Variants in NADSYN1 observed in about 807,000 individuals in gnomAD.
The protein encoded by NADSYN1 is NAD synthetase 1.
A neutral mutation model predicts 99.3 loss-of-function variants in NADSYN1; 80 were observed. That is an observed-to-expected ratio of 0.81 (90% confidence interval 0.67 to 0.97). The LOEUF (loss-of-function observed/expected upper bound fraction) is 0.97, where lower values mean the gene tolerates loss of function less well. NADSYN1 is among the 50% of genes least tolerant of loss of function. NADSYN1 has a pLI of 0.00. For missense variants in NADSYN1, 859 were observed against 948.5 expected (o/e 0.91, Z 1.24); for synonymous variants, 385 against 372.1 (o/e 1.03, Z -0.40).
In NADSYN1 at chr11:71,466,580, T is replaced by G. The variant is rs571998651; in HGVS notation, c.407+2438T>G. 3 of 152,364 alleles carry G rather than the reference T, an allele frequency of 2.0e-5. No individual in the cohort carries two copies. In the South Asian group the frequency reaches 6.2e-4, roughly 32 times the overall value. 9.4% of individuals were successfully genotyped at this position (152,364 alleles called of 1,614,324 possible). A position where few individuals can be genotyped will look rare whatever the true frequency, so the allele number is the denominator to read the frequency against. ...CACTCTCTTCTGCAGGCTCCAAGGC[T>G]GTAATTTCACTCTCTCTGCCAGCAG... On this transcript the variant is annotated intron_variant, in intron 5 of 20. Transcript: ENST00000319023.
At chr11:71,484,779 G>A (rs1469355497) in intron 15 of NADSYN1, 7 of 310,822 alleles carry the variant, frequency 2.3e-5, no homozygotes, top group Non-Finnish European at 3.7e-5. Context: ...CTGAGCCTGA[G>A]TGTGAGCCTG....
intron 1 of NADSYN1, among the ~76,000 whole-genome samples, chr11:71,454,216 G>T (rs1043243598): frequency 6.6e-6 from 1 of 152,126 alleles, no homozygotes; most frequent in Non-Finnish European, 1.5e-5. Context: ...TTATTATTAT[G>T]ATTATTATTA....
intron 14 of NADSYN1, 45 bp from the exon 15 acceptor site, chr11:71,484,267 C>T (rs759968829): frequency 2.5e-6 from 4 of 1,599,876 alleles, no homozygotes; most frequent in Admixed American, 1.7e-5. Flanking sequence ...CACACATGCA[C>T]ACACGTGCAC....
At chr11:71,459,679 G>A (rs77971333) in intron 3 of NADSYN1, 6,117 of 152,524 alleles carry the variant, frequency 0.04, 406 homozygotes, top group African/African-American at 0.14. Context: ...CTTCAGCCCC[G>A]CCTCATCCGG....
chr11:71,475,979 G>T, intron 9 of NADSYN1: 1 of 454,826 alleles, frequency 2.2e-6, no homozygotes, highest in Non-Finnish European at 4.4e-6. Context: ...CTCCCAAAGT[G>T]CTGGGATTAC....
At chr11:71,458,059 A>G (rs1343721468) in intron 2 of NADSYN1, among the ~76,000 whole-genome samples, 1 of 152,178 alleles carries the variant, frequency 6.6e-6, no homozygotes, top group African/African-American at 2.4e-5. Flanking sequence ...CTTCTTTGCC[A>G]AAGAATGGAT....
In NADSYN1 at chr11:71,498,396, C is replaced by T; in HGVS notation, c.1938C>T (p.Asn646=). The T allele has an allele frequency of 6.2e-7, 1 of 1,614,248 alleles. No homozygotes were observed. The highest frequency in any genetic ancestry group is 8.5e-7 in the Non-Finnish European group (1 of 1,180,038). ...VKRFFSKYSM[N]RHKMTTLTPA... ...GGTTTTTCTCCAAGTACTCCATGAA[C>T]AGACACAAGATGACCACGCTCACAC... The change falls in exon 20 of 21, where the codon AAC becomes AAT. Residue 646 remains asparagine, a synonymous_variant. Transcript: ENST00000319023.
At chr11:71,472,732 C>T (rs951060286) in intron 6 of NADSYN1, among the ~76,000 whole-genome samples, 16 of 152,356 alleles carry the variant, frequency 1.1e-4, no homozygotes, top group Middle Eastern at 3.4e-3. Context: ...TCCCTTCCCC[C>T]ACTCACACTG....
Position 71,485,600 on chromosome 11 carries a change from G to A in NADSYN1, c.1514G>A (p.Gly505Asp). 6.4e-7 allele frequency: 1 copy of A among 1,562,218 alleles called. No homozygotes were observed. The highest frequency in any genetic ancestry group is 8.7e-7 in the Non-Finnish European group (1 of 1,152,236). The change falls in exon 16 of 21, where the codon GGT (glycine) becomes GAT (aspartate). Residue 505 changes from glycine to aspartate, a missense_variant. By Grantham distance (94) the Gly-to-Asp change is moderately conservative. Transcript: ENST00000319023. ...GCTCAGTTGAGCCTCTGGTCTCGGGGTGTCCACGGTGGGCTCCTCGTGCTG... is the reference window on the plus strand; with the variant it reads ...GCTCAGTTGAGCCTCTGGTCTCGGGATGTCCACGGTGGGCTCCTCGTGCTG... ...LFAQLSLWSR[G>D]VHGGLLVLGS...
chr11:71,478,601 C>A, intron 10 of NADSYN1, 132 bp downstream of exon 10: 1 of 803,016 alleles, frequency 1.2e-6, no homozygotes, highest in Non-Finnish European at 2.1e-6. Context: ...CCGGACTTCC[C>A]GAGCGTGGAA....
At chr11:71,486,068 T>C (rs911718559) in intron 16 of NADSYN1, among the ~76,000 whole-genome samples, 1 of 152,198 alleles carries the variant, frequency 6.6e-6, no homozygotes, top group African/African-American at 2.4e-5. Flanking sequence ...TCAACAAAAC[T>C]CAGAGCCTCC....
chr11:71,478,536 C>A, intron 10 of NADSYN1, 67 bp downstream of exon 10: 2 of 1,410,106 alleles, frequency 1.4e-6, no homozygotes, highest in South Asian at 1.2e-5. Context: ...CCCATTCGTG[C>A]GGGCCTGGTG....
In NADSYN1 at chr11:71,498,342, C is replaced by T. The variant is rs140136569; in HGVS notation, c.1894-10C>T. The T allele has an allele frequency of 2.7e-3, 4,304 of 1,613,656 alleles. 99 individuals are homozygous for T. In the African/African-American group the frequency reaches 0.052, roughly 19 times the overall value. ...GGTAACATGAAGCTCGTGTGTTGCA[C>T]GCCCACCAGGTCGCTGACAAAGTGA... On this transcript the variant is annotated splice_polypyrimidine_tract_variant and intron_variant, in intron 19 of 20. Coordinates refer to ENST00000319023, the MANE Select transcript of NADSYN1 (RefSeq NM_018161.5).
At chr11:71,499,624 A>G (rs1949844513) in intron 20 of NADSYN1, 1 of 152,216 alleles carries the variant, frequency 6.6e-6, no homozygotes, top group African/African-American at 2.4e-5. Context: ...CAATCAATGA[A>G]AAAGGATAGG....
chr11:71,483,021 G>A lies in NADSYN1; in HGVS notation c.1319+4G>A. 6.2e-7 allele frequency: 1 copy of A among 1,611,798 alleles called. No individual in the cohort carries two copies. The highest frequency in any genetic ancestry group is 2.2e-5 in the East Asian group (1 of 44,882). On this transcript the variant is annotated splice_donor_region_variant and intron_variant, in intron 14 of 20. Transcript: ENST00000319023. Reference sequence around the variant, plus strand: ...AGTTGGCCCAGCAGATTGGAAGGTAGAGTTGGTCCCTGGTATTGGGCATGG... The same window carrying A: ...AGTTGGCCCAGCAGATTGGAAGGTAAAGTTGGTCCCTGGTATTGGGCATGG...
At chr11:71,456,005 A>G (rs1401774939) in intron 2 of NADSYN1, among the ~76,000 whole-genome samples, 2 of 152,182 alleles carry the variant, frequency 1.3e-5, no homozygotes, top group East Asian at 1.9e-4. Context: ...GTCCTTTCTC[A>G]TTTTGGATGT....
intron 18 of NADSYN1, among the ~76,000 whole-genome samples, chr11:71,493,708 T>G (rs539536412): frequency 2.0e-5 from 3 of 152,108 alleles, no homozygotes; most frequent in Non-Finnish European, 2.9e-5. Flanking sequence ...CTTCCAAGAG[T>G]TTTATAGTTT....
At chr11:71,485,673 G>A in intron 16 of NADSYN1, 25 bp downstream of exon 16, 1 of 1,517,212 alleles carries the variant, frequency 6.6e-7, no homozygotes, top group Non-Finnish European at 8.9e-7. Flanking sequence ...GTGGCACGTG[G>A]TGGTGGGCCC....
chr11:71,473,611 C>T lies in NADSYN1; in HGVS notation c.591C>T (p.Thr197=). ...DMGLDGVEII[T]NASGSHQVLR... ...GCCTGGATGGCGTGGAGATCATCAC[C>T]AACGCCTCGGGCAGCCACCAAGTGC... Residue 197 remains threonine, a synonymous_variant, in exon 8 of 21, where the codon ACC becomes ACT. Transcript: ENST00000319023. 1 of 1,613,076 alleles carries T rather than the reference C, an allele frequency of 6.2e-7. No homozygotes were observed. The highest frequency in any genetic ancestry group is 8.5e-7 in the Non-Finnish European group (1 of 1,179,842).
Sources: allele counts gnomAD v4.1 joint callset (sites outside exome capture counted in the v4.1 genomes callset), GRCh38; gene constraint gnomAD v4.1.1; transcripts MANE v1.5; gene names NCBI Gene and HGNC (gene_info 2026-07-23, HGNC 2026-07-21).